The following SNX29 variants were observed in gnomAD, a reference collection of about 807,000 sequenced individuals.
The protein encoded by SNX29 is sorting nexin-29.
A neutral mutation model predicts 102.1 loss-of-function variants in SNX29; 78 were observed. The observed-to-expected ratio is 0.76, with a 90% CI of 0.64 to 0.92. SNX29 has a LOEUF of 0.92. SNX29 is among the 40% of genes least tolerant of loss of function. The pLI is 0.00. For synonymous variants in SNX29, 580 were observed against 414.5 expected, an observed-to-expected ratio of 1.40 and a Z score of -4.85; for missense variants, 1,280 against 1,061.7, an observed-to-expected ratio of 1.21 and a Z score of -2.86.
intron 16 of SNX29, among the ~76,000 whole-genome samples, chr16:12,396,834 A>T (rs1266273469): frequency 6.6e-6 from 1 of 152,232 alleles, no homozygotes; most frequent in African/African-American, 2.4e-5. Context: ...GTATCTGCTT[A>T]TGGTTATGCA....
chr16:12,362,695 T>C (rs920054917), intron 16 of SNX29, among the ~76,000 whole-genome samples: 3 of 151,578 alleles, frequency 2.0e-5, no homozygotes, highest in Admixed American at 2.0e-4. Flanking sequence ...GGGCTGCATA[T>C]CAGCTCAACG....
chr16:12,571,688 G>T lies in SNX29; in HGVS notation c.*3059G>T. 2 of 1,026,428 alleles carry T rather than the reference G, an allele frequency of 1.9e-6. No homozygotes were observed. Among genetic ancestry groups the T allele is most frequent in the East Asian group, 7.5e-5 (1 of 13,322 alleles). The allele number at this position is 1,026,428 out of a possible 1,614,324, so 63.6% of individuals were successfully genotyped here. A position where few individuals can be genotyped will look rare whatever the true frequency, so the allele number is the denominator to read the frequency against. ...GGGCTGGGCAGAGGTGTCTCTCCTT[G>T]AGAGACAACAAAAGCTTCTAAGGGA... On this transcript the variant is annotated 3_prime_UTR_variant, in exon 21 of 21. Coordinates refer to ENST00000566228, the MANE Select transcript of SNX29 (RefSeq NM_032167.5).
intron 16 of SNX29, among the ~76,000 whole-genome samples, chr16:12,360,974 C>G (rs957839784): frequency 2.0e-5 from 3 of 152,232 alleles, no homozygotes; most frequent in African/African-American, 7.2e-5. Flanking sequence ...TACACCAGCT[C>G]TAGAGAATTG....
chr16:12,413,742 G>A (rs1057321970), intron 18 of SNX29, among the ~76,000 whole-genome samples: 2 of 152,224 alleles, frequency 1.3e-5, no homozygotes, highest in Non-Finnish European at 2.9e-5. Flanking sequence ...CTCACGCCAG[G>A]CGCCCTGCCC....
intron 13 of SNX29, among the ~76,000 whole-genome samples, chr16:12,168,840 T>C (rs1292487906): frequency 2.0e-5 from 3 of 151,902 alleles, no homozygotes; most frequent in South Asian, 2.1e-4. Flanking sequence ...CTTAGAAGAG[T>C]GATGTGAGGG....
At chr16:12,209,706 C>T (rs938188077) in intron 14 of SNX29, among the ~76,000 whole-genome samples, 9 of 152,180 alleles carry the variant, frequency 5.9e-5, no homozygotes, top group Admixed American at 1.3e-4. Context: ...AGCAGTGGCC[C>T]CAACTGTCTG....
At chr16:12,448,616 CT>C (rs1054632174) in intron 18 of SNX29, among the ~76,000 whole-genome samples, 2 of 151,942 alleles carry the variant, frequency 1.3e-5, no homozygotes, top group Non-Finnish European at 1.5e-5. Flanking sequence ...CAGATGACTT[CT>C]TTTTTTTCCA....
chr16:12,458,822 A>G (rs2086646018), intron 18 of SNX29, among the ~76,000 whole-genome samples: 2 of 152,210 alleles, frequency 1.3e-5, no homozygotes, highest in Non-Finnish European at 2.9e-5. Flanking sequence ...ATTGGCCCAG[A>G]GTGAGCACTC....
In SNX29 at chr16:12,513,325, C is replaced by T. The variant is rs187050441; in HGVS notation, c.2179-11377C>T. The stretch of plus-strand genomic sequence containing the variant: ...CCCTCCTCTCCCCTTCTCTCCCTTC[C>T]CCTGCCTGCCCTGCCCTGCCCTGCT... On this transcript the variant is annotated intron_variant, in intron 19 of 20. Transcript: ENST00000566228. Among the ~76,000 whole-genome samples, 5 of 143,422 alleles carry T rather than the reference C, an allele frequency of 3.5e-5. No individual in the cohort carries two copies. The East Asian group carries it at 6.1e-4, about 17-fold the overall frequency. 94.1% of individuals were successfully genotyped at this position (143,422 alleles called of 152,430 possible).
rs556921427 is a variant in SNX29, at chr16:12,534,329, C to G, written c.2318+9488C>G. Among the ~76,000 whole-genome samples the G allele has an allele frequency of 3.3e-5, 5 of 152,352 alleles. No homozygotes were observed. The East Asian group carries it at 9.6e-4, about 29-fold the overall frequency. On this transcript the variant is annotated intron_variant, in intron 20 of 20. Coordinates refer to ENST00000566228, the MANE Select transcript of SNX29 (RefSeq NM_032167.5). ...TCCTAATGAGGGCCTCTGTGCCCAG[C>G]CAAATGTCCTGGTCTTTGGAGAGGT...
In SNX29 at chr16:12,571,313, C is replaced by T. The variant is rs1011462470; in HGVS notation, c.*2684C>T. The stretch of plus-strand genomic sequence containing the variant: ...ATTCCACACCCTGGAAATGTGTCAA[C>T]TGCCTGTCAGCCTGGATTCAATTCT... On this transcript the variant is annotated 3_prime_UTR_variant, in exon 21 of 21. Coordinates refer to ENST00000566228, the MANE Select transcript of SNX29 (RefSeq NM_032167.5). 5.2e-5 allele frequency: 12 copies of T among 232,228 alleles called. No individual in the cohort carries two copies. The highest frequency in any genetic ancestry group is 1.0e-4 in the Non-Finnish European group (12 of 117,444). 14.4% of individuals were successfully genotyped at this position (232,228 alleles called of 1,614,324 possible).
chr16:12,159,090 G>T (rs2055674729), intron 13 of SNX29, among the ~76,000 whole-genome samples: 1 of 152,196 alleles, frequency 6.6e-6, no homozygotes, highest in Non-Finnish European at 1.5e-5. Context: ...CATTATCTTA[G>T]CAATTAGCTG....
At chr16:12,537,700 A>C (rs1168479355) in intron 20 of SNX29, among the ~76,000 whole-genome samples, 1 of 152,160 alleles carries the variant, frequency 6.6e-6, no homozygotes, top group South Asian at 2.1e-4. Flanking sequence ...CTGAAACTTC[A>C]CTTTGGAAAA....
chr16:12,281,755 C>T (rs1442892217), intron 15 of SNX29, among the ~76,000 whole-genome samples: 1 of 152,032 alleles, frequency 6.6e-6, no homozygotes, highest in Non-Finnish European at 1.5e-5. Flanking sequence ...AGTAACTTTC[C>T]CAAGAGTCCT....
At chr16:12,523,901 T>C (rs554127557) in intron 19 of SNX29, among the ~76,000 whole-genome samples, 10 of 152,160 alleles carry the variant, frequency 6.6e-5, no homozygotes, top group African/African-American at 2.4e-4. Context: ...TTTGTGTGTG[T>C]GTGAGATGGA....
rs114543851 is a variant in SNX29 at position 12,572,027 on chromosome 16, G to C, written c.*3398G>C. 2.8e-6 allele frequency: 3 copies of C among 1,062,828 alleles called. No homozygotes were observed. The highest frequency in any genetic ancestry group is 3.3e-5 in the African/African-American group (2 of 60,904). The allele number at this position is 1,062,828 out of a possible 1,614,324, so 65.8% of individuals were successfully genotyped here. ...TCTAGGGAGCTGCTGGCTATAAAAGGGATCATCCAGTGGAGTTGTAAACAA... is the reference window on the plus strand; with the variant it reads ...TCTAGGGAGCTGCTGGCTATAAAAGCGATCATCCAGTGGAGTTGTAAACAA... On this transcript the variant is annotated 3_prime_UTR_variant, in exon 21 of 21. Transcript: ENST00000566228.
intron 19 of SNX29, among the ~76,000 whole-genome samples, chr16:12,513,999 C>G (rs150362722): frequency 0.014 from 2,192 of 152,240 alleles, 61 homozygotes; most frequent in African/African-American, 0.051. Flanking sequence ...CCCAGGCGTC[C>G]CCCGTTATAA....
Position 12,573,557 on chromosome 16 carries a change from C to T in SNX29, c.*4928C>T. The T allele has an allele frequency of 4.5e-6, 1 of 223,516 alleles. No individual in the cohort carries two copies. The highest frequency in any genetic ancestry group is 8.9e-6 in the Non-Finnish European group (1 of 111,940). The allele number at this position is 223,516 out of a possible 1,614,324, so 13.8% of individuals were successfully genotyped here. A position where few individuals can be genotyped will look rare whatever the true frequency, so the allele number is the denominator to read the frequency against. ...GTGCGTAAGTGTTTTCCCATCCTAA[C>T]CGGAAAACCACTCACCCAGGCTTCC... On this transcript the variant is annotated 3_prime_UTR_variant, in exon 21 of 21. Transcript: ENST00000566228.
At chr16:12,099,883 C>T (rs2052935165) in intron 11 of SNX29, among the ~76,000 whole-genome samples, 1 of 152,134 alleles carries the variant, frequency 6.6e-6, no homozygotes, top group Non-Finnish European at 1.5e-5. Flanking sequence ...TGGAGTGGCA[C>T]TCTCCTGTGA....
Sources: allele counts gnomAD v4.1 joint callset (sites outside exome capture counted in the v4.1 genomes callset), GRCh38; gene constraint gnomAD v4.1.1; transcripts MANE v1.5; gene names NCBI Gene and HGNC (gene_info 2026-07-23, HGNC 2026-07-21).